Variants in USH1C observed in about 807,000 individuals in gnomAD.
USH1C encodes USH1 protein network component harmonin.
Under a neutral mutation model 119.3 loss-of-function variants are expected in USH1C, and 90 were observed. The observed-to-expected ratio is 0.75, with a 90% CI of 0.64 to 0.90. USH1C has a LOEUF of 0.90. USH1C is among the 40% of genes least tolerant of loss of function. The pLI is 0.00. For missense variants in USH1C, 1,165 were observed against 1,167.7 expected, an observed-to-expected ratio of 1.00 and a Z score of 0.03; for synonymous variants, 465 against 443.3, an observed-to-expected ratio of 1.05 and a Z score of -0.62.
rs779111365 is a variant in USH1C, at chr11:17,523,242, C to T, written c.845G>A (p.Arg282His). 13 of 1,614,030 alleles carry T rather than the reference C, an allele frequency of 8.1e-6. No homozygotes were observed. The highest frequency in any genetic ancestry group is 5.0e-5 in the Admixed American group (3 of 60,004). ...KEAVNVLKSS[R>H]SLTISIVAAA... ...AGCTACAATGGAGATGGTCAGGCTG[C>T]GGCTACTCTTCAGCACATTTACAGC... Residue 282 changes from arginine (R) to histidine (H), a missense_variant, in exon 11 of 27, where the codon CGC becomes CAC. Coordinates refer to ENST00000005226, the MANE Select transcript of USH1C (RefSeq NM_153676.4).
intron 20 of USH1C, 88 bp downstream of exon 20, chr11:17,504,559 G>A (rs1471315895): frequency 6.9e-7 from 1 of 1,453,414 alleles, no homozygotes; most frequent in Admixed American, 1.7e-5. Context: ...GACCTGACCA[G>A]GTACTCCCAG....
chr11:17,521,524 C>T (rs1220757899), intron 12 of USH1C, 113 bp from the exon 13 acceptor site: 1 of 1,062,622 alleles, frequency 9.4e-7, no homozygotes, highest in Non-Finnish European at 1.5e-6. Flanking sequence ...GGCTCCCTTC[C>T]TAGGAGGCCT....
chr11:17,523,755 G>A (rs1474435922), intron 9 of USH1C, among the ~76,000 whole-genome samples: 1 of 152,168 alleles, frequency 6.6e-6, no homozygotes, highest in Non-Finnish European at 1.5e-5. Flanking sequence ...GATGACATTT[G>A]CTTTAAAAAT....
Position 17,542,057 on chromosome 11 carries a change from C to G in USH1C, c.36+2215G>C, listed in dbSNP as rs907624799. On this transcript the variant is annotated intron_variant, in intron 1 of 26. Coordinates refer to ENST00000005226, the MANE Select transcript of USH1C (RefSeq NM_153676.4). ...CCAGGGTCTATTTAAGCTCCCCACA[C>G]ACATGTAGGTCTCATTCAGCATTCA... Among the ~76,000 whole-genome samples the G allele has an allele frequency of 3.3e-5, 5 of 152,192 alleles. No homozygotes were observed. In the East Asian group the frequency reaches 9.6e-4, roughly 29 times the overall value.
chr11:17,501,717 C>T (rs554961723), intron 21 of USH1C, among the ~76,000 whole-genome samples, 182 bp from the exon 22 acceptor site: 2 of 152,220 alleles, frequency 1.3e-5, no homozygotes, highest in South Asian at 4.1e-4. Flanking sequence ...CCCATGGGGA[C>T]AGTGGACACA....
chr11:17,525,678 C>A (rs937814959), intron 8 of USH1C, among the ~76,000 whole-genome samples: 8 of 152,196 alleles, frequency 5.3e-5, no homozygotes, highest in Admixed American at 4.6e-4. Context: ...GTTCGGAATT[C>A]CCTGTCTGCC....
At chr11:17,499,072 G>T (rs1386327095) in intron 23 of USH1C, among the ~76,000 whole-genome samples, 2 of 152,230 alleles carry the variant, frequency 1.3e-5, no homozygotes, top group African/African-American at 4.8e-5. Context: ...ACTCACTGCA[G>T]GATTTGTCAG....
In USH1C at chr11:17,516,175, T is replaced by C. The variant is rs369958578; in HGVS notation, c.1260+66A>G. On this transcript the variant is annotated intron_variant, in intron 15 of 26. Coordinates refer to ENST00000005226, the MANE Select transcript of USH1C (RefSeq NM_153676.4). ...TTAGTGTTGATAGGACAAGGAATGT[T>C]TGGGAAAAGCCAAAACCCACAGCAA... The C allele has an allele frequency of 2.3e-4, 366 of 1,572,834 alleles. 1 individual carries two copies. The African/African-American group carries it at 2.7e-3, about 11-fold the overall frequency.
chr11:17,521,076 C>A, intron 13 of USH1C, 82 bp from the exon 14 acceptor site: 3 of 1,580,146 alleles, frequency 1.9e-6, no homozygotes, highest in East Asian at 2.2e-5. Context: ...CCCCAGCCAG[C>A]CTGGGGAGAA....
chr11:17,516,195 C>G (rs374785614), intron 15 of USH1C, 46 bp downstream of exon 15: 7 of 1,610,580 alleles, frequency 4.3e-6, no homozygotes, highest in African/African-American at 2.7e-5. Context: ...CCAAAACCCA[C>G]AGCAAACTAA....
chr11:17,523,068 G>C, intron 11 of USH1C, 142 bp from the exon 12 acceptor site: 1 of 1,571,142 alleles, frequency 6.4e-7, no homozygotes, highest in Non-Finnish European at 8.8e-7. Flanking sequence ...CAAACTTCTT[G>C]CTGGGCAGAA....
intron 18 of USH1C, among the ~76,000 whole-genome samples, 173 bp downstream of exon 18, chr11:17,509,183 A>T (rs1196159770): frequency 1.3e-5 from 2 of 152,156 alleles, no homozygotes; most frequent in Non-Finnish European, 2.9e-5. Context: ...AGTGAGAACC[A>T]CCATATACAT....
In USH1C at chr11:17,527,334, T is replaced by G; in HGVS notation, c.388-3A>C. 6.2e-7 allele frequency: 1 copy of G among 1,605,994 alleles called. No homozygotes were observed. Among genetic ancestry groups the G allele is most frequent in the Non-Finnish European group, 8.5e-7 (1 of 1,176,536 alleles). ...ATCCGGACGATCTCGTCCCCTACCT[T>G]GACCACAGAGAGAGGCAGGGAGCAC... is the stretch of plus-strand genomic sequence containing the variant. On this transcript the variant is annotated splice_polypyrimidine_tract_variant and splice_region_variant and intron_variant, in intron 4 of 26. Coordinates refer to ENST00000005226, the MANE Select transcript of USH1C (RefSeq NM_153676.4).
At chr11:17,495,000 C>T (rs1377886499) in intron 26 of USH1C, 1 of 217,100 alleles carries the variant, frequency 4.6e-6, no homozygotes, top group Non-Finnish European at 9.3e-6. Context: ...CAGGGCACAA[C>T]AGGACATGAG....
At chr11:17,523,527 T>G in intron 9 of USH1C, 49 bp from the exon 10 acceptor site, 2 of 1,597,216 alleles carry the variant, frequency 1.3e-6, no homozygotes, top group Non-Finnish European at 1.7e-6. Flanking sequence ...ATCTGTACAC[T>G]CGCTCATCTG....
chr11:17,533,366 CG>C (rs369641245), intron 1 of USH1C, 44 bp from the exon 2 acceptor site: 20 of 1,410,830 alleles, frequency 1.4e-5, no homozygotes, highest in African/African-American at 3.2e-5. Flanking sequence ...GCTCAGCACC[CG>C]CCCCCATAGC....
chr11:17,507,351 C>T lies in USH1C; in HGVS notation c.2014-1402G>A, dbSNP rs921076177. 1.3e-5 allele frequency among the ~76,000 whole-genome samples: 2 copies of T among 152,304 alleles called. 1 individual carries two copies. Among genetic ancestry groups the T allele is most frequent in the South Asian group, 4.1e-4 (2 of 4,826 alleles). On this transcript the variant is annotated intron_variant, in intron 18 of 26. Transcript: ENST00000005226. ...TTCAGAGGCTCCTTGTGTTGGGGGG[C>T]TTTTAACCTTCCCTGGGCTCTGATC...
chr11:17,517,287 A>G (rs745490240), intron 14 of USH1C: 11 of 1,088,674 alleles, frequency 1.0e-5, no homozygotes, highest in African/African-American at 4.7e-5. Flanking sequence ...TACAGACTCT[A>G]TTGGCCCCCA....
chr11:17,544,405 G>A lies in USH1C; in HGVS notation c.-98C>T. ...AGCCGCGACCGCGACCGGGCCAGCCGCCCTCGGAGCTGGGGGCGGGGCCTG... is the reference window on the plus strand; with the variant it reads ...AGCCGCGACCGCGACCGGGCCAGCCACCCTCGGAGCTGGGGGCGGGGCCTG... On this transcript the variant is annotated 5_prime_UTR_variant, in exon 1 of 27. Transcript: ENST00000005226. The A allele has an allele frequency of 6.4e-7, 1 of 1,558,458 alleles. No homozygotes were observed. The highest frequency in any genetic ancestry group is 1.7e-5 in the Admixed American group (1 of 57,564).
Sources: allele counts gnomAD v4.1 joint callset (sites outside exome capture counted in the v4.1 genomes callset), GRCh38; gene constraint gnomAD v4.1.1; transcripts MANE v1.5; gene names NCBI Gene and HGNC (gene_info 2026-07-23, HGNC 2026-07-21).